Variants in CNTN5 observed in about 807,000 individuals in gnomAD.
CNTN5 encodes the protein contactin 5.
Under a neutral mutation model 129.1 loss-of-function variants are expected in CNTN5, and 77 were observed. That is an observed-to-expected ratio of 0.60 (90% CI 0.50 to 0.72). The LOEUF (loss-of-function observed/expected upper bound fraction) is 0.72. Ranked by LOEUF, CNTN5 falls within the 30% of genes least tolerant of loss-of-function variation. CNTN5 has a pLI of 0.00. For missense variants in CNTN5, 1,478 were observed against 1,328.8 expected (o/e 1.11, Z -1.75); for synonymous variants, 509 against 465.6 (o/e 1.09, Z -1.20).
At chr11:99,968,120 G>T (rs1383445342) in intron 8 of CNTN5, among the ~76,000 whole-genome samples, 1 of 151,914 alleles carries the variant, frequency 6.6e-6, no homozygotes, top group Non-Finnish European at 1.5e-5. Context: ...GTCCATGTGG[G>T]ATCTTTCCCT....
chr11:99,830,123 G>A (rs1011178272), intron 4 of CNTN5, among the ~76,000 whole-genome samples: 5 of 152,078 alleles, frequency 3.3e-5, no homozygotes, highest in Admixed American at 2.0e-4. Flanking sequence ...AACTTTTTTC[G>A]GGGGCGGGGA....
intron 13 of CNTN5, among the ~76,000 whole-genome samples, chr11:100,111,915 A>G (rs568778504): frequency 1.3e-5 from 2 of 152,306 alleles, no homozygotes; most frequent in South Asian, 4.1e-4. Flanking sequence ...TGGTGAATTT[A>G]GTAGTTTCTT....
intron 1 of CNTN5, among the ~76,000 whole-genome samples, chr11:99,074,165 A>G (rs1865463056): frequency 6.6e-6 from 1 of 152,070 alleles, no homozygotes; most frequent in African/African-American, 2.4e-5. Context: ...TTTTGGCCAC[A>G]TAAGTGTATT....
intron 3 of CNTN5, 122 bp downstream of exon 3, chr11:99,556,391 T>G (rs1591273923): frequency 9.2e-6 from 5 of 545,868 alleles, no homozygotes; most frequent in Non-Finnish European, 6.1e-6. Flanking sequence ...TATTTATACT[T>G]TCCAACAAGA....
intron 4 of CNTN5, among the ~76,000 whole-genome samples, chr11:99,839,773 T>C (rs1366373732): frequency 6.6e-6 from 1 of 152,078 alleles, no homozygotes; most frequent in African/African-American, 2.4e-5. Context: ...AGTAGTAATA[T>C]ATTTGCACCT....
intron 3 of CNTN5, among the ~76,000 whole-genome samples, chr11:99,763,079 A>G (rs897706248): frequency 2.6e-5 from 4 of 152,130 alleles, no homozygotes; most frequent in African/African-American, 9.7e-5. Flanking sequence ...ATCTCTCTGT[A>G]TCAAAACATA....
At chr11:100,063,705 CTA>C (rs1491422411) in intron 10 of CNTN5, among the ~76,000 whole-genome samples, 10 of 72,438 alleles carry the variant, frequency 1.4e-4, no homozygotes, top group Non-Finnish European at 2.4e-4. Context: ...GAACCTGTCT[CTA>C]AAAAAAAAAA....
intron 23 of CNTN5, among the ~76,000 whole-genome samples, chr11:100,346,595 A>G (rs886265037): frequency 6.6e-6 from 1 of 152,088 alleles, no homozygotes; most frequent in Non-Finnish European, 1.5e-5. Context: ...GCTATAATCC[A>G]AGCAAAAACT....
At chr11:100,213,447 C>T (rs953627401) in intron 15 of CNTN5, among the ~76,000 whole-genome samples, 2 of 152,000 alleles carry the variant, frequency 1.3e-5, no homozygotes, top group Non-Finnish European at 2.9e-5. Context: ...AATATGGTCT[C>T]GATGATTTTT....
intron 18 of CNTN5, among the ~76,000 whole-genome samples, chr11:100,279,052 T>C (rs1024299369): frequency 2.0e-5 from 3 of 152,028 alleles, no homozygotes; most frequent in African/African-American, 7.2e-5. Context: ...CAACATCAAT[T>C]GAAATGGTCA....
intron 6 of CNTN5, among the ~76,000 whole-genome samples, chr11:99,858,230 A>G (rs187094675): frequency 0.076 from 11,620 of 152,116 alleles, 595 homozygotes; most frequent in East Asian, 0.16. Context: ...CAACAGAATA[A>G]CCAAAAATGT....
intron 2 of CNTN5, among the ~76,000 whole-genome samples, chr11:99,553,289 C>T (rs1474108566): frequency 1.3e-5 from 2 of 152,052 alleles, no homozygotes; most frequent in South Asian, 4.1e-4. Flanking sequence ...TAAACTGGTA[C>T]ATTAAACTGG....
At chr11:99,448,350 G>A (rs758666057) in intron 2 of CNTN5, among the ~76,000 whole-genome samples, 3 of 152,116 alleles carry the variant, frequency 2.0e-5, no homozygotes, top group African/African-American at 4.8e-5. Context: ...TAAAAACCAT[G>A]GGAGGCTAAA....
intron 2 of CNTN5, among the ~76,000 whole-genome samples, chr11:99,475,308 T>A (rs1201267093): frequency 6.6e-6 from 1 of 152,192 alleles, no homozygotes; most frequent in Non-Finnish European, 1.5e-5. Flanking sequence ...AAGGCCCACA[T>A]CAGATGCCAG....
chr11:99,897,389 C>A (rs926443751), intron 6 of CNTN5, among the ~76,000 whole-genome samples: 1 of 151,984 alleles, frequency 6.6e-6, no homozygotes, highest in African/African-American at 2.4e-5. Context: ...ATGTTAAAGG[C>A]GGCTAGAGAA....
intron 7 of CNTN5, among the ~76,000 whole-genome samples, chr11:99,949,675 G>A (rs1233140933): frequency 6.6e-6 from 1 of 152,110 alleles, no homozygotes; most frequent in African/African-American, 2.4e-5. Flanking sequence ...TTTTGAAAAG[G>A]GTTAGCAATG....
chr11:99,886,136 A>G (rs917903003), intron 6 of CNTN5, among the ~76,000 whole-genome samples: 1 of 152,112 alleles, frequency 6.6e-6, no homozygotes, highest in African/African-American at 2.4e-5. Flanking sequence ...GATAAAACAT[A>G]TAGAAATATC....
intron 9 of CNTN5, among the ~76,000 whole-genome samples, 163 bp downstream of exon 9, chr11:100,002,299 T>C (rs74599498): frequency 3.0e-3 from 463 of 152,314 alleles, no homozygotes; most frequent in Non-Finnish European, 4.1e-3. Flanking sequence ...AGTAATCAGT[T>C]ACAGTTATCT....
At chr11:99,098,759 A>C (rs1007685607) in intron 1 of CNTN5, among the ~76,000 whole-genome samples, 1 of 152,054 alleles carries the variant, frequency 6.6e-6, no homozygotes, top group Non-Finnish European at 1.5e-5. Context: ...AGCATGCTTA[A>C]GTTTCCCATA....
Sources: allele counts gnomAD v4.1 joint callset (sites outside exome capture counted in the v4.1 genomes callset), GRCh38; gene constraint gnomAD v4.1.1; transcripts MANE v1.5; gene names NCBI Gene and HGNC (gene_info 2026-07-23, HGNC 2026-07-21).